PFKFB3: variants seen among roughly 807,000 people sequenced by gnomAD.
The protein encoded by PFKFB3 is 6-phosphofructo-2-kinase/fructose-2,6-biphosphatase 3, also known as 6-phosphofructo-2-kinase/fructose-2,6-bisphosphatase 3.
PFKFB3 carries 33 observed loss-of-function variants against 68.0 expected under a neutral mutation model. That is an observed-to-expected ratio of 0.49 (90% CI 0.37 to 0.65). PFKFB3 has a LOEUF of 0.65. Ranked by LOEUF, PFKFB3 falls within the 30% of genes least tolerant of loss-of-function variation. The pLI, the probability that PFKFB3 is intolerant of heterozygous loss-of-function variation, is 0.00. For synonymous variants in PFKFB3, 315 were observed against 288.2 expected, an observed-to-expected ratio of 1.09 and a Z score of -0.94; for missense variants, 586 against 712.2, an observed-to-expected ratio of 0.82 and a Z score of 2.02.
Position 6,203,045 on chromosome 10 carries a change from C to G in PFKFB3, c.-216C>G. The G allele has an allele frequency of 7.2e-7, 1 of 1,382,958 alleles. No homozygotes were observed. Among genetic ancestry groups the G allele is most frequent in the Non-Finnish European group, 9.3e-7 (1 of 1,073,696 alleles). The allele number at this position is 1,382,958 out of a possible 1,614,324, so 85.7% of individuals were successfully genotyped here. Reference sequence around the variant, plus strand: ...GACGAGCCGGCCGTGCCGGGCATCCCCAGCCTCGCTACCCTCGCAGCACAC... The same window carrying G: ...GACGAGCCGGCCGTGCCGGGCATCCGCAGCCTCGCTACCCTCGCAGCACAC... On this transcript the variant is annotated 5_prime_UTR_variant, in exon 1 of 15. Coordinates refer to ENST00000379775, the MANE Select transcript of PFKFB3 (RefSeq NM_004566.4).
intron 1 of PFKFB3, among the ~76,000 whole-genome samples, chr10:6,177,077 G>A (rs925370822): frequency 1.3e-4 from 20 of 152,268 alleles, no homozygotes; most frequent in African/African-American, 4.8e-4. Flanking sequence ...CAGATCCTGT[G>A]GCTTCAAGTT....
In PFKFB3 at chr10:6,215,994, C is replaced by T; in HGVS notation, c.300-131C>T. 1.1e-6 allele frequency: 1 copy of T among 890,656 alleles called. No individual in the cohort carries two copies. Among genetic ancestry groups the T allele is most frequent in the African/African-American group, 1.6e-5 (1 of 61,350 alleles). 55.2% of individuals were successfully genotyped at this position (890,656 alleles called of 1,614,324 possible). On this transcript the variant is annotated intron_variant, in intron 3 of 14. Coordinates refer to ENST00000379775, the MANE Select transcript of PFKFB3 (RefSeq NM_004566.4). This position sits in a 1 kb window ranked among gnomAD's most constrained non-coding sequence, Gnocchi z 4.3. ...TCTGGGCCTGAGGGGTGCTGGCCAG[C>T]CTGCCCAGCGCTAAGCAGTGTAGAA...
downstream of PFKFB3, among the ~76,000 whole-genome samples, chr10:6,258,906 C>G (rs943144360): frequency 2.6e-5 from 4 of 152,196 alleles, no homozygotes; most frequent in Admixed American, 2.6e-4. Flanking sequence ...AAATGGCCAC[C>G]AACTTTCCTG....
intron 14 of PFKFB3, among the ~76,000 whole-genome samples, chr10:6,226,714 GAATGGTTATTTCTAA>G (rs1333510522): frequency 3.9e-5 from 6 of 152,202 alleles, no homozygotes; most frequent in Admixed American, 3.9e-4. Flanking sequence ...TCACGTTCGT[GAATGGTTATTTCTAA>G]AACAAAGAAA....
At chr10:6,294,523 C>T in the PFKFB3 span, 2 of 183,428 alleles carry the variant, frequency 1.1e-5, no homozygotes, top group Admixed American at 5.7e-5. Context: ...AAGACCCGCC[C>T]TCATGATTCA....
At chr10:6,254,579 A>G in exon 15 of PFKFB3, 1 of 381,078 alleles carries the variant, frequency 2.6e-6, no homozygotes. Flanking sequence ...TAGTGCTTCG[A>G]GTTCCCATAC....
chr10:6,154,766 A>T lies in PFKFB3; in HGVS notation c.16+9753A>T, dbSNP rs966598702. On this transcript the variant is annotated intron_variant, in intron 1 of 14. Transcript: ENST00000379789. This position sits in a 1 kb window ranked among gnomAD's most constrained non-coding sequence, Gnocchi z 4.6. ...ATGGATTTGCTGTGGGGTGAGAGAG[A>T]GTGAATCATGGGTAGCTCCCCCAGC... Among the ~76,000 whole-genome samples the T allele has an allele frequency of 9.2e-5, 14 of 152,108 alleles. No individual in the cohort carries two copies. The highest frequency in any genetic ancestry group is 3.4e-4 in the African/African-American group (14 of 41,454).
At chr10:6,221,821 A>G in intron 10 of PFKFB3, 76 bp downstream of exon 10, 1 of 1,000,466 alleles carries the variant, frequency 1.0e-6, no homozygotes, top group Non-Finnish European at 1.5e-6. Flanking sequence ...CCACCCCTCC[A>G]GGGAGTTCAC....
rs1436302314 is a variant in PFKFB3, at chr10:6,228,786, G to A, written c.1515+2421G>A. 2.0e-5 allele frequency among the ~76,000 whole-genome samples: 3 copies of A among 152,204 alleles called. No homozygotes were observed. Among genetic ancestry groups the A allele is most frequent in the East Asian group, 1.9e-4 (1 of 5,192 alleles). ...TCCGAGTGGAGACCCTTGGGGATCCGTTTGTCCTGGGTTGGAGCCTGCTCA... is the reference window on the plus strand; with the variant it reads ...TCCGAGTGGAGACCCTTGGGGATCCATTTGTCCTGGGTTGGAGCCTGCTCA... On this transcript the variant is annotated intron_variant, in intron 14 of 14. Transcript: ENST00000379775. The surrounding 1 kb of genome is among the most constrained non-coding windows in gnomAD (Gnocchi z 4.5).
the PFKFB3 span, among the ~76,000 whole-genome samples, chr10:6,296,849 A>T: frequency 6.6e-6 from 1 of 151,916 alleles, no homozygotes; most frequent in African/African-American, 2.4e-5. Flanking sequence ...GGTCTTCATG[A>T]CCTGTATCTT....
At chr10:6,207,309 C>G (rs1175752160) in intron 1 of PFKFB3, among the ~76,000 whole-genome samples, 1 of 152,176 alleles carries the variant, frequency 6.6e-6, no homozygotes, top group East Asian at 1.9e-4. Context: ...GTGGCGGCGC[C>G]TCCTGCAATC....
At chr10:6,212,019 C>T (rs955741134) in intron 1 of PFKFB3, among the ~76,000 whole-genome samples, 8 of 152,354 alleles carry the variant, frequency 5.3e-5, no homozygotes, top group East Asian at 1.9e-4. Flanking sequence ...TGGTGGCTCC[C>T]GCAGCATAAG....
intron 1 of PFKFB3, chr10:6,146,254 AT>A: frequency 6.9e-7 from 1 of 1,457,198 alleles, no homozygotes; most frequent in Non-Finnish European, 9.1e-7. Context: ...GGCCAGCGTG[AT>A]GCTACGGTTG....
At chr10:6,241,111 T>C (rs1307788904) in intron 14 of PFKFB3, among the ~76,000 whole-genome samples, 1 of 152,152 alleles carries the variant, frequency 6.6e-6, no homozygotes, top group African/African-American at 2.4e-5. Context: ...TTCTCCATGT[T>C]GGCCAGGCTG....
At chr10:6,176,345 G>A (rs1056160666) in intron 1 of PFKFB3, among the ~76,000 whole-genome samples, 2 of 152,178 alleles carry the variant, frequency 1.3e-5, no homozygotes, top group African/African-American at 4.8e-5. Context: ...GGGTTGCATA[G>A]GCATGCTTTC....
the PFKFB3 span, chr10:6,293,287 T>C: frequency 2.5e-6 from 1 of 393,028 alleles, no homozygotes. Flanking sequence ...AGATGTTGTG[T>C]TCTGTGAGAA....
downstream of PFKFB3, among the ~76,000 whole-genome samples, chr10:6,259,126 C>T (rs1846514815): frequency 6.6e-6 from 1 of 151,974 alleles, no homozygotes; most frequent in Admixed American, 6.6e-5. Flanking sequence ...CTATATCCAT[C>T]CATCCAACCA....
chr10:6,278,465 C>T, the PFKFB3 span, among the ~76,000 whole-genome samples: 4 of 151,974 alleles, frequency 2.6e-5, no homozygotes, highest in East Asian at 3.9e-4. Context: ...TTAGTAGAGA[C>T]GGGGTTTCAC....
downstream of PFKFB3, among the ~76,000 whole-genome samples, chr10:6,254,808 C>CTTTTTTTTTTTTTTTTTTTTTT (rs144888417): frequency 3.2e-5 from 2 of 61,622 alleles, 1 homozygote; most frequent in Non-Finnish European, 5.5e-5. Flanking sequence ...TTTTTCTGTT[C>CTTTTTTTTTTTTTTTTTTTTTT]TTTTTTTTTT....
Sources: gnomAD v4.1 joint callset for allele counts (sites outside exome capture counted in the v4.1 genomes callset) on GRCh38, gnomAD v4.1.1 for gene constraint, Gnocchi (gnomAD v3.1) non-coding constraint, MANE v1.5 for transcripts, NCBI Gene and HGNC (gene_info 2026-07-23, HGNC 2026-07-21) for gene names.